ATP10A: variants seen among roughly 807,000 people sequenced by gnomAD.
ATP10A encodes phospholipid-transporting ATPase VA.
ATP10A carries 111 observed loss-of-function variants against 147.8 expected under a neutral mutation model. The observed-to-expected ratio is 0.75, with a 90% CI of 0.64 to 0.88. The LOEUF is 0.88. Among genes scored for constraint, ATP10A ranks in the 40% least tolerant of loss-of-function variants. ATP10A has a pLI of 0.00. For synonymous variants in ATP10A, 875 were observed against 841.6 expected (o/e 1.04, Z -0.69); for missense variants, 1,927 against 1,959.0 (o/e 0.98, Z 0.31).
chr15:25,838,682 G>A (rs979497686), intron 1 of ATP10A, among the ~76,000 whole-genome samples: 27 of 152,180 alleles, frequency 1.8e-4, no homozygotes, highest in Non-Finnish European at 2.6e-4. Flanking sequence ...AGAGTCCCTC[G>A]GGGCTTTTTA....
chr15:25,798,780 G>A (rs1027349380), intron 1 of ATP10A, among the ~76,000 whole-genome samples: 1 of 152,274 alleles, frequency 6.6e-6, no homozygotes, highest in African/African-American at 2.4e-5. Context: ...GGGCAAAACC[G>A]ATTCTGTGAT....
chr15:25,846,643 C>T (rs745387645), intron 1 of ATP10A, among the ~76,000 whole-genome samples: 4 of 152,180 alleles, frequency 2.6e-5, no homozygotes, highest in Non-Finnish European at 5.9e-5. Flanking sequence ...TGAGAATCAC[C>T]TAGCCTGACA....
intron 3 of ATP10A, among the ~76,000 whole-genome samples, chr15:25,730,341 A>G (rs57500032): frequency 0.97 from 144,065 of 149,284 alleles, 69,715 homozygotes; most frequent in East Asian, 1. Flanking sequence ...AGAAAGAAAG[A>G]AAGGAAGGAA....
chr15:25,772,967 T>C (rs1252217687), intron 2 of ATP10A, among the ~76,000 whole-genome samples: 1 of 152,180 alleles, frequency 6.6e-6, no homozygotes, highest in East Asian at 1.9e-4. Context: ...GTCATTTCCT[T>C]GGCACACGGA....
At chr15:25,712,510 G>A (rs556485953) in intron 10 of ATP10A, among the ~76,000 whole-genome samples, 1 of 146,424 alleles carries the variant, frequency 6.8e-6, no homozygotes, top group Non-Finnish European at 1.5e-5. Context: ...ATGTTGTCTT[G>A]AACCCAAGGC....
At position 25,770,150 on chromosome 15, in the gene ATP10A, C is replaced by T. The variant is rs550840008; in HGVS notation, c.654+10869G>A. ...CGAGGTGAGCATTTAAAACACGACC[C>T]GGGCGAGGTGGGGAGGGGCCCCACC... On this transcript the variant is annotated intron_variant, in intron 2 of 20. Coordinates refer to ENST00000555815, the MANE Select transcript of ATP10A (RefSeq NM_024490.4). 6.6e-5 allele frequency among the ~76,000 whole-genome samples: 10 copies of T among 151,084 alleles called. No individual in the cohort carries two copies. The South Asian group carries it at 2.1e-3, about 31-fold the overall frequency.
chr15:25,727,951 C>T lies in ATP10A; in HGVS notation c.741-685G>A, dbSNP rs138047064. 8.4e-3 allele frequency among the ~76,000 whole-genome samples: 1,278 copies of T among 152,258 alleles called. 13 individuals carry two copies. Among genetic ancestry groups the T allele is most frequent in the African/African-American group, 0.029 (1,207 of 41,542 alleles). On this transcript the variant is annotated intron_variant, in intron 3 of 20. Transcript: ENST00000555815. ...TAGGACCGCCCTGGGACAGATATGG[C>T]CCCAGGGGCCAGAGCACAGGTCACA...
chr15:25,721,353 C>A (rs1334529966), intron 7 of ATP10A, among the ~76,000 whole-genome samples: 1 of 152,164 alleles, frequency 6.6e-6, no homozygotes, highest in African/African-American at 2.4e-5. Flanking sequence ...GGACCGGATG[C>A]CTTGGGAGTG....
At chr15:25,712,113 G>A (rs1056689617) in intron 10 of ATP10A, among the ~76,000 whole-genome samples, 1 of 152,198 alleles carries the variant, frequency 6.6e-6, no homozygotes, top group African/African-American at 2.4e-5. Context: ...TGAGCAGGTC[G>A]TGACGCTAAA....
At chr15:25,736,412 G>A (rs186466570) in intron 2 of ATP10A, among the ~76,000 whole-genome samples, 2 of 152,366 alleles carry the variant, frequency 1.3e-5, no homozygotes, top group Admixed American at 1.3e-4. Flanking sequence ...TGCAAAATGA[G>A]AGAACAGGCG....
At chr15:25,782,027 T>G (rs771732469) in intron 1 of ATP10A, among the ~76,000 whole-genome samples, 7 of 152,162 alleles carry the variant, frequency 4.6e-5, no homozygotes, top group African/African-American at 1.4e-4. Flanking sequence ...GCAGCATCAC[T>G]CAGAATTGCT....
intron 1 of ATP10A, among the ~76,000 whole-genome samples, chr15:25,826,574 C>A (rs1451461722): frequency 6.6e-6 from 1 of 152,098 alleles, no homozygotes; most frequent in African/African-American, 2.4e-5. Context: ...AAAGTGGAAT[C>A]ACCTGAGGTC....
In ATP10A at chr15:25,854,456, C is replaced by A. The variant is rs560703409; in HGVS notation, c.449+8192G>T. On this transcript the variant is annotated intron_variant, in intron 1 of 20. Coordinates refer to ENST00000555815, the MANE Select transcript of ATP10A (RefSeq NM_024490.4). Reference sequence around the variant, plus strand: ...AGGGGGAAAGAAAATCCCTATTAGACCACACTACAATAATTACTACAGACT... The same window carrying A: ...AGGGGGAAAGAAAATCCCTATTAGAACACACTACAATAATTACTACAGACT... Among the ~76,000 whole-genome samples the A allele has an allele frequency of 5.3e-5, 8 of 152,256 alleles. No homozygotes were observed. The South Asian group carries it at 1.7e-3, about 32-fold the overall frequency.
chr15:25,745,384 T>C (rs892801729), intron 2 of ATP10A, among the ~76,000 whole-genome samples: 8 of 151,396 alleles, frequency 5.3e-5, no homozygotes, highest in African/African-American at 1.7e-4. Context: ...ATAAAACTTG[T>C]TACTGGCACA....
chr15:25,863,931 ATTCT>A (rs1893890424), upstream of ATP10A, among the ~76,000 whole-genome samples: 1 of 152,240 alleles, frequency 6.6e-6, no homozygotes, highest in Admixed American at 6.5e-5. Flanking sequence ...TCCTAAATAA[ATTCT>A]TTTTCTTTTT....
intron 2 of ATP10A, among the ~76,000 whole-genome samples, chr15:25,739,719 C>T (rs972846565): frequency 6.6e-6 from 1 of 152,198 alleles, no homozygotes; most frequent in African/African-American, 2.4e-5. Flanking sequence ...AGGGTTCGCC[C>T]ACTGCAGAGC....
At chr15:25,830,765 A>C (rs1158868195) in intron 1 of ATP10A, among the ~76,000 whole-genome samples, 1 of 152,176 alleles carries the variant, frequency 6.6e-6, no homozygotes, top group Non-Finnish European at 1.5e-5. Flanking sequence ...GGTCTATATT[A>C]AACCTGTTTC....
rs71127085 is a variant in ATP10A, at chr15:25,806,327, C to CTTTTCTTTTTTT, written c.450-25105_450-25104insAAAAAAAGAAAA. On this transcript the variant is annotated intron_variant, in intron 1 of 20. Coordinates refer to ENST00000555815, the MANE Select transcript of ATP10A (RefSeq NM_024490.4). The stretch of plus-strand genomic sequence containing the variant: ...CTGCCTTAAGATTTTCTTTTCTTTT[C>CTTTTCTTTTTTT]TTTGAGATGGAGTCTTGCTCTGTCG... Among the ~76,000 whole-genome samples, 668 of 151,550 alleles carry CTTTTCTTTTTTT rather than the reference C, an allele frequency of 4.4e-3. 4 individuals carry two copies. Among genetic ancestry groups the CTTTTCTTTTTTT allele is most frequent in the African/African-American group, 0.015 (631 of 41,366 alleles).
At chr15:25,747,511 GA>G (rs1469403698) in intron 2 of ATP10A, among the ~76,000 whole-genome samples, 1 of 151,386 alleles carries the variant, frequency 6.6e-6, no homozygotes, top group African/African-American at 2.4e-5. Flanking sequence ...ACAAATCTAG[GA>G]AAAAAGTATA....
Sources: gnomAD v4.1 joint callset for allele counts (sites outside exome capture counted in the v4.1 genomes callset) on GRCh38, gnomAD v4.1.1 for gene constraint, MANE v1.5 for transcripts, NCBI Gene and HGNC (gene_info 2026-07-23, HGNC 2026-07-21) for gene names.